NALCN: variants seen among roughly 807,000 people sequenced by gnomAD.
NALCN encodes the protein sodium leak channel, non-selective, also known as sodium leak channel NALCN.
In NALCN, 111 loss-of-function variants were observed where a neutral mutation model predicts 225.3. That is an observed-to-expected ratio of 0.49 (90% confidence interval 0.42 to 0.58). The LOEUF is 0.58. Among genes scored for constraint, NALCN ranks in the 20% least tolerant of loss-of-function variants. The probability of loss-of-function intolerance (pLI) is 0.00; values close to 1 mark genes in which losing one functional copy is unlikely to be tolerated. For missense variants in NALCN, 1,378 were observed against 2,202.4 expected, an observed-to-expected ratio of 0.63 and a Z score of 7.49; for synonymous variants, 764 against 769.0, an observed-to-expected ratio of 0.99 and a Z score of 0.11.
intron 3 of NALCN, among the ~76,000 whole-genome samples, chr13:101,390,091 T>C (rs1032119142): frequency 6.6e-6 from 1 of 151,590 alleles, no homozygotes; most frequent in African/African-American, 2.4e-5. Context: ...CAAAAAATAA[T>C]AAAAGTAAAA....
chr13:101,074,742 G>T, intron 35 of NALCN, 80 bp from the exon 36 acceptor site: 1 of 1,233,186 alleles, frequency 8.1e-7, no homozygotes, highest in South Asian at 1.6e-5. Context: ...GAGAGAGAGA[G>T]AATATTCAAT....
At chr13:101,364,034 C>T (rs373112615) in intron 6 of NALCN, among the ~76,000 whole-genome samples, 10 of 152,178 alleles carry the variant, frequency 6.6e-5, no homozygotes, top group South Asian at 4.1e-4. Flanking sequence ...AGTGAAATAT[C>T]ATGTCACCCC....
intron 7 of NALCN, 130 bp downstream of exon 7, chr13:101,345,136 A>C: frequency 1.0e-6 from 1 of 981,458 alleles, no homozygotes; most frequent in Non-Finnish European, 1.5e-6. Flanking sequence ...GCATAGAATT[A>C]AAATTTATAT....
At chr13:101,162,623 G>A (rs2038243331) in intron 15 of NALCN, among the ~76,000 whole-genome samples, 1 of 152,180 alleles carries the variant, frequency 6.6e-6, no homozygotes, top group South Asian at 2.1e-4. Context: ...ACTGAAAACT[G>A]TCATGCTTTT....
chr13:101,157,500 C>A (rs190152352), intron 15 of NALCN, among the ~76,000 whole-genome samples: 4 of 152,252 alleles, frequency 2.6e-5, no homozygotes, highest in African/African-American at 7.2e-5. Flanking sequence ...CTGAGTAATG[C>A]TCCAAGTGGA....
At chr13:101,412,037 T>C (rs992294785) in intron 1 of NALCN, among the ~76,000 whole-genome samples, 1 of 152,232 alleles carries the variant, frequency 6.6e-6, no homozygotes, top group African/African-American at 2.4e-5. Flanking sequence ...AAGCATTTGA[T>C]CACAATGATG....
At chr13:101,234,508 G>A (rs2041473410) in intron 12 of NALCN, among the ~76,000 whole-genome samples, 1 of 152,170 alleles carries the variant, frequency 6.6e-6, no homozygotes, top group African/African-American at 2.4e-5. Context: ...AGGACCAATA[G>A]GGAAGACCAA....
At chr13:101,276,062 C>CAAAAAAAA (rs59471123) in intron 10 of NALCN, among the ~76,000 whole-genome samples, 18 of 84,312 alleles carry the variant, frequency 2.1e-4, no homozygotes, top group African/African-American at 5.3e-4. Flanking sequence ...GACTCCTTCT[C>CAAAAAAAA]AAAAAAAAAA....
intron 17 of NALCN, among the ~76,000 whole-genome samples, chr13:101,130,678 C>T (rs1309308220): frequency 1.3e-5 from 2 of 152,186 alleles, no homozygotes; most frequent in African/African-American, 4.8e-5. Context: ...ACTCTATTTT[C>T]TTCTGACATA....
intron 6 of NALCN, among the ~76,000 whole-genome samples, chr13:101,348,040 C>T (rs2045795895): frequency 6.6e-6 from 1 of 152,088 alleles, no homozygotes; most frequent in South Asian, 2.1e-4. Flanking sequence ...CTCTTGAAGG[C>T]AAGGTGAAGT....
At chr13:101,116,956 T>C (rs558213755) in intron 18 of NALCN, 9 of 516,754 alleles carry the variant, frequency 1.7e-5, no homozygotes, top group African/African-American at 1.3e-4. Context: ...TCTTCCCAAG[T>C]AGAGACAACA....
intron 6 of NALCN, among the ~76,000 whole-genome samples, chr13:101,367,635 C>G (rs2046414002): frequency 6.6e-6 from 1 of 152,004 alleles, no homozygotes; most frequent in Non-Finnish European, 1.5e-5. Flanking sequence ...AAAATCAACT[C>G]TAATTGTGTA....
At position 101,143,893 on chromosome 13, in the gene NALCN, C is replaced by T. The variant is rs911187085; in HGVS notation, c.1977-672G>A. Reference sequence around the variant, plus strand: ...TAAGAGAGAATTTTACATTTTAAGACTCAAAAGCAAGTGCGTTCATCTGAT... The same window carrying T: ...TAAGAGAGAATTTTACATTTTAAGATTCAAAAGCAAGTGCGTTCATCTGAT... On this transcript the variant is annotated intron_variant, in intron 16 of 43. Transcript: ENST00000251127. Among the ~76,000 whole-genome samples, 8 of 152,298 alleles carry T rather than the reference C, an allele frequency of 5.3e-5. No individual in the cohort carries two copies. The South Asian group carries it at 1.7e-3, about 32-fold the overall frequency.
intron 41 of NALCN, among the ~76,000 whole-genome samples, chr13:101,060,528 C>T (rs187040596): frequency 6.9e-6 from 1 of 145,804 alleles, no homozygotes; most frequent in African/African-American, 2.5e-5. Context: ...TGGTCTTAAG[C>T]GATCCTCCCG....
chr13:101,263,140 G>A (rs980321246), intron 10 of NALCN, among the ~76,000 whole-genome samples: 1 of 152,098 alleles, frequency 6.6e-6, no homozygotes, highest in African/African-American at 2.4e-5. Context: ...AGTGACATCG[G>A]GAAAGTAGAC....
intron 7 of NALCN, among the ~76,000 whole-genome samples, chr13:101,318,422 AT>A (rs1384542295): frequency 6.6e-6 from 1 of 152,202 alleles, no homozygotes; most frequent in Non-Finnish European, 1.5e-5. Flanking sequence ...ATCCCTAAGC[AT>A]GAACATTATT....
At chr13:101,301,452 G>A (rs773171994) in intron 7 of NALCN, among the ~76,000 whole-genome samples, 4 of 152,210 alleles carry the variant, frequency 2.6e-5, no homozygotes, top group Admixed American at 2.0e-4. Context: ...GCCGGGCGCA[G>A]TGGCTCATGC....
intron 39 of NALCN, 95 bp downstream of exon 39, chr13:101,067,823 T>G (rs1351056415): frequency 2.4e-6 from 2 of 838,824 alleles, no homozygotes; most frequent in African/African-American, 3.5e-5. Context: ...AAATTCAATC[T>G]GTGTCATTTG....
intron 1 of NALCN, among the ~76,000 whole-genome samples, chr13:101,400,732 TCTGC>T (rs527865756): frequency 1.2e-3 from 185 of 152,292 alleles, no homozygotes; most frequent in African/African-American, 3.8e-3. Flanking sequence ...GGCAGGTATC[TCTGC>T]CTAACTCTCC....
Sources: gnomAD v4.1 joint callset for allele counts (sites outside exome capture counted in the v4.1 genomes callset) on GRCh38, gnomAD v4.1.1 for gene constraint, MANE v1.5 for transcripts, NCBI Gene and HGNC (gene_info 2026-07-23, HGNC 2026-07-21) for gene names.